HPSE2: variants seen among roughly 807,000 people sequenced by gnomAD.
HPSE2 encodes inactive heparanase-2.
HPSE2 carries 38 observed loss-of-function variants against 60.5 expected under a neutral mutation model. That is an observed-to-expected ratio of 0.63 (90% CI 0.48 to 0.82). HPSE2 has a LOEUF of 0.82. HPSE2 is among the 40% of genes least tolerant of loss of function. The pLI is 0.00. For missense variants in HPSE2, 713 were observed against 740.4 expected, an observed-to-expected ratio of 0.96 and a Z score of 0.43; for synonymous variants, 295 against 293.2, an observed-to-expected ratio of 1.01 and a Z score of -0.06.
chr10:98,542,798 A>C (rs1451275083), intron 9 of HPSE2, among the ~76,000 whole-genome samples: 1 of 152,200 alleles, frequency 6.6e-6, no homozygotes, highest in East Asian at 1.9e-4. Context: ...AAAAGAAACG[A>C]GCAAAGCCTC....
intron 4 of HPSE2, among the ~76,000 whole-genome samples, chr10:98,737,224 T>TGCACTTCCTGGGTGAGGTGATGCCCC (rs1554981384): frequency 2.8e-5 from 4 of 142,694 alleles, no homozygotes; most frequent in South Asian, 4.4e-4. Context: ...TTTCACCTGT[T>TGCACTTCCTGGGTGAGGTGATGCCCC]ATATACACAT....
chr10:99,074,781 T>C (rs1354386391), intron 3 of HPSE2, among the ~76,000 whole-genome samples: 1 of 152,158 alleles, frequency 6.6e-6, no homozygotes, highest in African/African-American at 2.4e-5. Context: ...TGAGTCTTGG[T>C]AGACTGATAT....
At chr10:98,960,432 T>C (rs1335674654) in intron 3 of HPSE2, among the ~76,000 whole-genome samples, 1 of 152,142 alleles carries the variant, frequency 6.6e-6, no homozygotes. Context: ...GTTTACTTTC[T>C]AAATTCATTT....
At chr10:98,809,095 T>C (rs546240699) in intron 3 of HPSE2, among the ~76,000 whole-genome samples, 7 of 152,274 alleles carry the variant, frequency 4.6e-5, no homozygotes, top group African/African-American at 1.4e-4. Flanking sequence ...TGACATTGAC[T>C]CACTCCAGTA....
chr10:98,506,874 A>G (rs908897317), intron 9 of HPSE2, among the ~76,000 whole-genome samples: 2 of 151,952 alleles, frequency 1.3e-5, no homozygotes, highest in African/African-American at 4.8e-5. Context: ...CTTCATTTCC[A>G]TTTCCAAAAG....
intron 3 of HPSE2, among the ~76,000 whole-genome samples, chr10:98,851,793 C>T (rs1292427080): frequency 1.3e-5 from 2 of 152,036 alleles, no homozygotes; most frequent in African/African-American, 4.8e-5. Context: ...GGGATCATAC[C>T]AATTATATCT....
At position 98,536,337 on chromosome 10, in the gene HPSE2, C is replaced by T. The variant is rs554800791; in HGVS notation, c.1321-46141G>A. On this transcript the variant is annotated intron_variant, in intron 9 of 11. Coordinates refer to ENST00000370552, the MANE Select transcript of HPSE2 (RefSeq NM_021828.5). ...TTCAGACACAACTATTTCTTTATTG[C>T]TTTATTTTAGGTTAGTGGGGAACCC... Among the ~76,000 whole-genome samples, 6 of 152,324 alleles carry T rather than the reference C, an allele frequency of 3.9e-5. No homozygotes were observed. In the East Asian group the frequency reaches 5.8e-4, roughly 15 times the overall value.
At chr10:98,459,920 C>G (rs569144633) in intron 11 of HPSE2, among the ~76,000 whole-genome samples, 181 bp from the exon 12 acceptor site, 1 of 107,056 alleles carries the variant, frequency 9.3e-6, no homozygotes, top group African/African-American at 4.0e-5. Flanking sequence ...TTCAAACATC[C>G]CAACAACCCC....
chr10:99,186,104 C>CACACACACACA (rs1848000256), intron 2 of HPSE2, among the ~76,000 whole-genome samples: 1 of 80,694 alleles, frequency 1.2e-5, no homozygotes, highest in Non-Finnish European at 2.9e-5. Context: ...GGATAAATAA[C>CACACACACACA]CACACACACA....
At chr10:98,651,739 G>A (rs947959494) in intron 6 of HPSE2, among the ~76,000 whole-genome samples, 3 of 151,126 alleles carry the variant, frequency 2.0e-5, no homozygotes, top group African/African-American at 7.3e-5. Context: ...GTCATGTTAA[G>A]TAGAAGGGTA....
chr10:99,164,105 C>G (rs1422278105), intron 2 of HPSE2, among the ~76,000 whole-genome samples: 1 of 151,022 alleles, frequency 6.6e-6, no homozygotes, highest in Non-Finnish European at 1.5e-5. Context: ...TGGATCTCAC[C>G]TACACCAATA....
At chr10:99,118,162 C>T (rs947099875) in intron 3 of HPSE2, among the ~76,000 whole-genome samples, 2 of 152,042 alleles carry the variant, frequency 1.3e-5, no homozygotes, top group African/African-American at 4.8e-5. Context: ...TCAATAGACG[C>T]AGGAAAAGCT....
intron 3 of HPSE2, among the ~76,000 whole-genome samples, chr10:99,001,127 C>T (rs764928233): frequency 1.3e-5 from 2 of 152,062 alleles, no homozygotes; most frequent in Non-Finnish European, 2.9e-5. Flanking sequence ...CTATTGACAA[C>T]TTTACTAATT....
chr10:98,561,866 A>G (rs1944195319), intron 9 of HPSE2, among the ~76,000 whole-genome samples: 1 of 143,470 alleles, frequency 7.0e-6, no homozygotes, highest in African/African-American at 2.5e-5. Flanking sequence ...ACAAACAAAC[A>G]AACAAAAAAC....
At chr10:99,136,286 T>G (rs562154091) in intron 3 of HPSE2, among the ~76,000 whole-genome samples, 8 of 152,064 alleles carry the variant, frequency 5.3e-5, no homozygotes, top group African/African-American at 1.9e-4. Context: ...ACCAGACAGA[T>G]TCACAGCCGA....
chr10:98,749,430 C>T (rs1281746710), intron 3 of HPSE2, among the ~76,000 whole-genome samples: 1 of 150,812 alleles, frequency 6.6e-6, no homozygotes, highest in Non-Finnish European at 1.5e-5. Flanking sequence ...ATATATATAT[C>T]TGTTCTGTAT....
At chr10:98,703,791 G>T (rs2134200076) in intron 5 of HPSE2, among the ~76,000 whole-genome samples, 1 of 152,236 alleles carries the variant, frequency 6.6e-6, no homozygotes, top group East Asian at 1.9e-4. Context: ...AGCTATGTGT[G>T]ACAAACCTAC....
intron 3 of HPSE2, among the ~76,000 whole-genome samples, chr10:98,761,227 A>G (rs1949997506): frequency 6.6e-6 from 1 of 152,122 alleles, no homozygotes; most frequent in Non-Finnish European, 1.5e-5. Flanking sequence ...ACATGGGAAT[A>G]ATAAAAATGA....
upstream of HPSE2, among the ~76,000 whole-genome samples, chr10:99,239,226 A>G (rs1217349805): frequency 6.6e-6 from 1 of 152,018 alleles, no homozygotes; most frequent in Non-Finnish European, 1.5e-5. Context: ...AGATGCACTG[A>G]TGTCTCCTTG....
Sources: gnomAD v4.1 joint callset for allele counts (sites outside exome capture counted in the v4.1 genomes callset) on GRCh38, gnomAD v4.1.1 for gene constraint, MANE v1.5 for transcripts, NCBI Gene and HGNC (gene_info 2026-07-23, HGNC 2026-07-21) for gene names.